The following ABI1 variants were observed in gnomAD, a reference collection of about 807,000 sequenced individuals.
The protein encoded by ABI1 is Abelson interactor 1.
ABI1 carries 14 observed loss-of-function variants against 54.6 expected under a neutral mutation model. The ratio of observed to expected loss-of-function variants is 0.26; its 90% CI spans 0.17 to 0.40. ABI1 has a LOEUF of 0.40. ABI1 is among the 10% of genes least tolerant of loss of function. The probability of loss-of-function intolerance (pLI) is 1.00; values close to 1 mark genes in which losing one functional copy is unlikely to be tolerated. For missense variants in ABI1, 443 were observed against 598.3 expected (o/e 0.74, Z 2.71); for synonymous variants, 194 against 209.3 (o/e 0.93, Z 0.63).
intron 2 of ABI1, among the ~76,000 whole-genome samples, chr10:26,807,014 T>TAGGAAGAA (rs1205021393): frequency 4.6e-5 from 7 of 152,250 alleles, no homozygotes; most frequent in Non-Finnish European, 1.0e-4. Context: ...GGCCATGTTT[T>TAGGAAGAA]CATGGTTCTT....
chr10:26,841,458 A>G (rs1181256220), intron 1 of ABI1, among the ~76,000 whole-genome samples: 1 of 138,016 alleles, frequency 7.2e-6, no homozygotes, highest in African/African-American at 2.6e-5. Flanking sequence ...CTATTCATTT[A>G]GCAGGAATTC....
In ABI1 at chr10:26,855,935, C is replaced by T. The variant is rs569741718; in HGVS notation, c.117+4812G>A. On this transcript the variant is annotated intron_variant, in intron 1 of 10. Transcript: ENST00000376140. ...GCAGTGAGCTGAGATCGTGCCACCG[C>T]ACTCCAGCCTGGGTGACAGAGCAAG... Among the ~76,000 whole-genome samples the T allele has an allele frequency of 1.2e-3, 171 of 144,098 alleles. 1 individual carries two copies. Among genetic ancestry groups the T allele is most frequent in the African/African-American group, 4.2e-3 (161 of 38,548 alleles). 94.5% of individuals were successfully genotyped at this position (144,098 alleles called of 152,430 possible). A position where few individuals can be genotyped will look rare whatever the true frequency, so the allele number is the denominator to read the frequency against.
In ABI1 at chr10:26,767,019, G is replaced by T. The variant is rs148034716; in HGVS notation, c.720-1701C>A. 1.1e-4 allele frequency among the ~76,000 whole-genome samples: 16 copies of T among 152,116 alleles called. No individual in the cohort carries two copies. In the East Asian group the frequency reaches 3.1e-3, roughly 29 times the overall value. ...ACGAATCCTAAAATATTGACAATCT[G>T]GCCCTTTATAGAAAAAGTTTGCTGA... On this transcript the variant is annotated intron_variant, in intron 6 of 10. Coordinates refer to ENST00000376140, the MANE Select transcript of ABI1 (RefSeq NM_001012750.3).
intron 2 of ABI1, among the ~76,000 whole-genome samples, chr10:26,785,353 T>C (rs1236613363): frequency 6.6e-6 from 1 of 152,206 alleles, no homozygotes; most frequent in African/African-American, 2.4e-5. Context: ...ATATAAGGAA[T>C]GGTCTTGAGG....
At chr10:26,804,295 A>G (rs2046745058) in intron 2 of ABI1, among the ~76,000 whole-genome samples, 1 of 152,094 alleles carries the variant, frequency 6.6e-6, no homozygotes, top group Non-Finnish European at 1.5e-5. Context: ...AGGCACAAGA[A>G]TCTCTTGAAC....
chr10:26,853,432 A>G (rs1057071967), intron 1 of ABI1, among the ~76,000 whole-genome samples: 4 of 152,016 alleles, frequency 2.6e-5, no homozygotes, highest in African/African-American at 9.7e-5. Flanking sequence ...AATAAATATT[A>G]CAATCAACAC....
chr10:26,782,368 C>CA (rs534966722), intron 2 of ABI1, among the ~76,000 whole-genome samples: 30 of 149,058 alleles, frequency 2.0e-4, no homozygotes, highest in East Asian at 5.9e-4. Flanking sequence ...TCAACAACAA[C>CA]AAAAAAAAAA....
chr10:26,773,489 T>C (rs1278827686), intron 3 of ABI1, among the ~76,000 whole-genome samples: 1 of 151,936 alleles, frequency 6.6e-6, no homozygotes, highest in East Asian at 1.9e-4. Flanking sequence ...CATGAGCCAC[T>C]GCACCCAGCC....
chr10:26,841,551 A>G (rs1461711403), intron 1 of ABI1, among the ~76,000 whole-genome samples: 3 of 152,000 alleles, frequency 2.0e-5, no homozygotes, highest in African/African-American at 7.2e-5. Context: ...TTCATCCTAC[A>G]TACTTGCTAT....
intron 8 of ABI1, among the ~76,000 whole-genome samples, chr10:26,757,095 T>G (rs1417358287): frequency 6.6e-6 from 1 of 152,104 alleles, no homozygotes; most frequent in Non-Finnish European, 1.5e-5. Flanking sequence ...TAACTAGCCA[T>G]GCTGGTTAGT....
intron 1 of ABI1, among the ~76,000 whole-genome samples, chr10:26,843,080 A>G (rs1164325936): frequency 5.9e-5 from 9 of 152,002 alleles, no homozygotes; most frequent in Non-Finnish European, 1.0e-4. Context: ...TAGAGCCACA[A>G]GTTTGGCTCT....
chr10:26,763,848 G>GTTCAATGGC, intron 7 of ABI1: 1 of 1,574,434 alleles, frequency 6.4e-7, no homozygotes, highest in Non-Finnish European at 8.7e-7. Flanking sequence ...TGTAAAGTGA[G>GTTCAATGGC]TTCAATGGCT....
intron 6 of ABI1, among the ~76,000 whole-genome samples, chr10:26,768,002 C>T (rs1481503399): frequency 6.6e-6 from 1 of 151,610 alleles, no homozygotes; most frequent in Admixed American, 6.6e-5. Flanking sequence ...GCCGAGATCG[C>T]GTCACTGCAC....
chr10:26,754,943 C>T (rs1270595340), intron 9 of ABI1, among the ~76,000 whole-genome samples: 5 of 145,404 alleles, frequency 3.4e-5, no homozygotes, highest in East Asian at 1.9e-4. Context: ...AATAACTTCT[C>T]CCCCCCCACA....
Position 26,770,351 on chromosome 10 carries a change from A to C in ABI1, c.478-6T>G, listed in dbSNP as rs1840523629. On this transcript the variant is annotated splice_region_variant and splice_polypyrimidine_tract_variant and intron_variant, in intron 4 of 10. Transcript: ENST00000376140. ...GCAGGCTGGTTATTTCCATGCTAAAATGTAGAAAGAAATGCTTTTATTTTT... is the reference window on the plus strand; with the variant it reads ...GCAGGCTGGTTATTTCCATGCTAAACTGTAGAAAGAAATGCTTTTATTTTT... The C allele has an allele frequency of 6.2e-7, 1 of 1,611,204 alleles. No homozygotes were observed. Among genetic ancestry groups the C allele is most frequent in the Non-Finnish European group, 8.5e-7 (1 of 1,177,362 alleles).
chr10:26,785,375 A>G (rs188204784), intron 2 of ABI1, among the ~76,000 whole-genome samples: 2 of 152,326 alleles, frequency 1.3e-5, no homozygotes, highest in East Asian at 3.9e-4. Flanking sequence ...ATCAAGAAAC[A>G]GTGTCTCCCT....
At chr10:26,830,683 T>C (rs1333798335) in intron 1 of ABI1, among the ~76,000 whole-genome samples, 1 of 151,710 alleles carries the variant, frequency 6.6e-6, no homozygotes, top group African/African-American at 2.4e-5. Context: ...GAAACAACAT[T>C]ATTTGGCATT....
intron 1 of ABI1, among the ~76,000 whole-genome samples, chr10:26,847,607 G>A (rs1022553731): frequency 1.3e-5 from 2 of 151,970 alleles, no homozygotes; most frequent in Admixed American, 6.6e-5. Flanking sequence ...CTGAGCAACA[G>A]AGAGAGACCC....
chr10:26,842,901 G>A (rs532817366), intron 1 of ABI1, among the ~76,000 whole-genome samples: 11 of 152,036 alleles, frequency 7.2e-5, no homozygotes, highest in African/African-American at 1.7e-4. Flanking sequence ...AAAATTAGCC[G>A]GGCATGGTGG....
Sources: gnomAD v4.1 joint callset for allele counts (sites outside exome capture counted in the v4.1 genomes callset) on GRCh38, gnomAD v4.1.1 for gene constraint, MANE v1.5 for transcripts, NCBI Gene and HGNC (gene_info 2026-07-23, HGNC 2026-07-21) for gene names.